The following CTNNA3 variants were observed in gnomAD, a reference collection of about 807,000 sequenced individuals.
CTNNA3 encodes the protein catenin alpha-3.
In CTNNA3, 76 loss-of-function variants were observed where a neutral mutation model predicts 95.7. That is an observed-to-expected ratio of 0.79 (90% CI 0.66 to 0.96). The LOEUF (loss-of-function observed/expected upper bound fraction) is 0.96, where lower values mean the gene tolerates loss of function less well. Among genes scored for constraint, CTNNA3 ranks in the 40% least tolerant of loss-of-function variants. The pLI is 0.00. For missense variants in CTNNA3, 1,191 were observed against 1,089.8 expected, an observed-to-expected ratio of 1.09 and a Z score of -1.31; for synonymous variants, 431 against 374.4, an observed-to-expected ratio of 1.15 and a Z score of -1.74.
chr10:66,265,248 T>G (rs973784980), intron 13 of CTNNA3, among the ~76,000 whole-genome samples: 7 of 152,034 alleles, frequency 4.6e-5, no homozygotes, highest in African/African-American at 1.7e-4. Context: ...TCAGGAGACC[T>G]GAATTCTAAT....
chr10:67,441,350 G>C (rs534876737), intron 5 of CTNNA3, among the ~76,000 whole-genome samples: 1 of 151,738 alleles, frequency 6.6e-6, no homozygotes, highest in African/African-American at 2.4e-5. Context: ...AGAATTATTG[G>C]TCTTAAAGAG....
intron 5 of CTNNA3, among the ~76,000 whole-genome samples, chr10:67,424,953 C>A (rs1200340802): frequency 3.9e-5 from 6 of 152,044 alleles, no homozygotes; most frequent in African/African-American, 1.4e-4. Context: ...CATTCAGTCC[C>A]TAATACTATT....
At chr10:66,942,576 C>CTCTCTG (rs1400776459) in intron 7 of CTNNA3, among the ~76,000 whole-genome samples, 8 of 140,362 alleles carry the variant, frequency 5.7e-5, no homozygotes, top group African/African-American at 1.9e-4. Flanking sequence ...CTCTCTCTCT[C>CTCTCTG]TGTGTGTGTG....
chr10:67,211,262 T>C lies in CTNNA3; in HGVS notation c.843+8345A>G, dbSNP rs147205692. On this transcript the variant is annotated intron_variant, in intron 6 of 17. Coordinates refer to ENST00000433211, the MANE Select transcript of CTNNA3 (RefSeq NM_013266.4). Reference sequence around the variant, plus strand: ...TGGATTCATTTTGGTTTTTTCAAGTTTTGGAGAAAAAAAAAAAAACATTAC... The same window carrying C: ...TGGATTCATTTTGGTTTTTTCAAGTCTTGGAGAAAAAAAAAAAAACATTAC... 6.3e-3 allele frequency among the ~76,000 whole-genome samples: 939 copies of C among 149,862 alleles called. 31 individuals carry two copies. The highest frequency in any genetic ancestry group is 0.052 in the Admixed American group (794 of 15,170).
chr10:67,719,415 C>T (rs1187779265), intron 1 of CTNNA3, among the ~76,000 whole-genome samples: 5 of 151,948 alleles, frequency 3.3e-5, no homozygotes. Flanking sequence ...TAGGTCTTTC[C>T]TGCTTTCTTT....
chr10:66,621,377 A>G (rs1844740176), intron 10 of CTNNA3, among the ~76,000 whole-genome samples: 1 of 151,950 alleles, frequency 6.6e-6, no homozygotes, highest in South Asian at 2.1e-4. Flanking sequence ...TAATCCCAAC[A>G]GTTTGGGAGG....
At chr10:67,327,002 C>T (rs897856592) in intron 5 of CTNNA3, among the ~76,000 whole-genome samples, 2 of 152,114 alleles carry the variant, frequency 1.3e-5, no homozygotes, top group Non-Finnish European at 2.9e-5. Context: ...CTTTCCTCCA[C>T]TTGTTCTATT....
chr10:66,475,100 G>A (rs1047913948), intron 11 of CTNNA3, among the ~76,000 whole-genome samples: 1 of 151,936 alleles, frequency 6.6e-6, no homozygotes, highest in African/African-American at 2.4e-5. Context: ...AACTTAAGTT[G>A]TTGATTTGTT....
At chr10:66,825,688 T>G (rs1250907926) in intron 7 of CTNNA3, among the ~76,000 whole-genome samples, 1 of 152,196 alleles carries the variant, frequency 6.6e-6, no homozygotes, top group South Asian at 2.1e-4. Context: ...ATTTAAGATC[T>G]TCCACAAGCT....
chr10:66,633,597 G>A (rs184373901), intron 9 of CTNNA3, among the ~76,000 whole-genome samples: 2,343 of 152,002 alleles, frequency 0.015, 70 homozygotes, highest in African/African-American at 0.053. Context: ...GGAGAATGGC[G>A]TGAACCCAGA....
intron 12 of CTNNA3, among the ~76,000 whole-genome samples, chr10:66,354,575 G>C (rs1193675315): frequency 6.6e-6 from 1 of 152,104 alleles, no homozygotes; most frequent in East Asian, 1.9e-4. Context: ...AAGTAGTTGA[G>C]AATCTGTCTT....
intron 5 of CTNNA3, among the ~76,000 whole-genome samples, chr10:67,237,134 A>ATATATATATATATATATG (rs1865513564): frequency 2.2e-5 from 1 of 45,426 alleles, no homozygotes; most frequent in African/African-American, 1.9e-4. Flanking sequence ...ATGTATATAT[A>ATATATATATATATATATG]TATATATATA....
intron 7 of CTNNA3, among the ~76,000 whole-genome samples, chr10:66,954,788 T>A (rs1490105152): frequency 6.6e-6 from 1 of 152,194 alleles, no homozygotes; most frequent in African/African-American, 2.4e-5. Flanking sequence ...AATTGCTGAA[T>A]TGTTCAAGTC....
intron 12 of CTNNA3, among the ~76,000 whole-genome samples, chr10:66,365,762 C>G (rs1589146620): frequency 8.8e-6 from 1 of 113,640 alleles, no homozygotes; most frequent in Admixed American, 9.0e-5. Context: ...CTTAGGCTCT[C>G]TCTCTCTCTC....
At chr10:66,403,932 C>T (rs1011610386) in intron 11 of CTNNA3, among the ~76,000 whole-genome samples, 7 of 152,094 alleles carry the variant, frequency 4.6e-5, no homozygotes, top group Non-Finnish European at 8.8e-5. Context: ...TGTTTGGAGA[C>T]TGAAACTGTC....
rs576789016 is a variant in CTNNA3 at position 66,686,524 on chromosome 10, T to TC, written c.1282-64741dup. On this transcript the variant is annotated intron_variant, in intron 9 of 17. Coordinates refer to ENST00000433211, the MANE Select transcript of CTNNA3 (RefSeq NM_013266.4). ...CAATAAATAAATAAGAAGCTGTTTT[T>TC]CTTTTCTTCTCTCTACTGTCCTAGC... Among the ~76,000 whole-genome samples, 111 of 152,316 alleles carry TC rather than the reference T, an allele frequency of 7.3e-4. 2 individuals carry two copies. Among genetic ancestry groups the TC allele is most frequent in the African/African-American group, 2.6e-3 (107 of 41,578 alleles).
intron 12 of CTNNA3, among the ~76,000 whole-genome samples, chr10:66,331,608 T>C (rs2092331850): frequency 6.6e-6 from 1 of 151,934 alleles, no homozygotes; most frequent in Admixed American, 6.6e-5. Context: ...TATCAGATAG[T>C]TGTAGATATG....
chr10:67,313,882 A>T (rs2132533311), intron 5 of CTNNA3, among the ~76,000 whole-genome samples: 1 of 152,334 alleles, frequency 6.6e-6, no homozygotes, highest in South Asian at 2.1e-4. Context: ...GAAAGATAAG[A>T]AGTTCTATAT....
At chr10:67,452,308 G>A (rs1847019091) in intron 5 of CTNNA3, among the ~76,000 whole-genome samples, 1 of 152,046 alleles carries the variant, frequency 6.6e-6, no homozygotes, top group Non-Finnish European at 1.5e-5. Context: ...CCTGCAAAAT[G>A]TATTATGAGA....
Sources: allele counts gnomAD v4.1 joint callset (sites outside exome capture counted in the v4.1 genomes callset), GRCh38; gene constraint gnomAD v4.1.1; transcripts MANE v1.5; gene names NCBI Gene and HGNC (gene_info 2026-07-23, HGNC 2026-07-21).